Variants in SEMA3E observed in about 807,000 individuals in gnomAD.
SEMA3E encodes the protein semaphorin-3E.
A neutral mutation model predicts 93.6 loss-of-function variants in SEMA3E; 49 were observed. The ratio of observed to expected loss-of-function variants is 0.52; its 90% CI spans 0.42 to 0.66. SEMA3E has a LOEUF of 0.66. SEMA3E is among the 30% of genes least tolerant of loss of function. SEMA3E has a pLI of 0.00. For synonymous variants in SEMA3E, 363 were observed against 330.7 expected (o/e 1.10, Z -1.06); for missense variants, 906 against 964.8 (o/e 0.94, Z 0.81).
intron 12 of SEMA3E, among the ~76,000 whole-genome samples, chr7:83,395,631 G>A (rs1330384815): frequency 6.6e-6 from 1 of 152,040 alleles, no homozygotes; most frequent in African/African-American, 2.4e-5. Flanking sequence ...TCTTTTTCAT[G>A]GACTATGTAG....
chr7:83,568,520 T>C (rs1327548809), intron 1 of SEMA3E, among the ~76,000 whole-genome samples: 1 of 152,118 alleles, frequency 6.6e-6, no homozygotes, highest in Non-Finnish European at 1.5e-5. Context: ...AAAAATATAG[T>C]ACACCATGAT....
At chr7:83,557,348 A>G (rs1791918916) in intron 1 of SEMA3E, among the ~76,000 whole-genome samples, 1 of 151,524 alleles carries the variant, frequency 6.6e-6, no homozygotes, top group Non-Finnish European at 1.5e-5. Flanking sequence ...TATGCTTATT[A>G]AAAATAAGTA....
chr7:83,498,341 T>A (rs114538468), intron 1 of SEMA3E, among the ~76,000 whole-genome samples: 58 of 152,322 alleles, frequency 3.8e-4, no homozygotes, highest in African/African-American at 1.4e-3. Flanking sequence ...TGTTAGGAAT[T>A]ATATCTGGAG....
At chr7:83,415,691 T>C (rs1259109636) in intron 5 of SEMA3E, among the ~76,000 whole-genome samples, 1 of 152,130 alleles carries the variant, frequency 6.6e-6, no homozygotes, top group African/African-American at 2.4e-5. Flanking sequence ...TATCTAAAAT[T>C]AGGAAATTAC....
At chr7:83,457,755 C>T (rs973003355) in intron 4 of SEMA3E, among the ~76,000 whole-genome samples, 1 of 152,096 alleles carries the variant, frequency 6.6e-6, no homozygotes, top group African/African-American at 2.4e-5. Flanking sequence ...CCATCGTCTC[C>T]GTGCTGTCTT....
chr7:83,448,120 C>T (rs968385115), intron 4 of SEMA3E, among the ~76,000 whole-genome samples: 2 of 152,050 alleles, frequency 1.3e-5, no homozygotes, highest in Non-Finnish European at 2.9e-5. Context: ...CTTGCCAGTC[C>T]GGAAAAAGCA....
chr7:83,593,845 A>G (rs937231606), intron 1 of SEMA3E, among the ~76,000 whole-genome samples: 2 of 152,038 alleles, frequency 1.3e-5, no homozygotes, highest in African/African-American at 4.8e-5. Context: ...ATATTTTTCA[A>G]TTTTACTGTG....
At chr7:83,505,738 G>A (rs981885347) in intron 1 of SEMA3E, among the ~76,000 whole-genome samples, 12 of 151,858 alleles carry the variant, frequency 7.9e-5, no homozygotes, top group Admixed American at 1.3e-4. Flanking sequence ...ATTTGTGGCC[G>A]GGCACAGTGG....
At chr7:83,509,550 C>T (rs966649344) in intron 1 of SEMA3E, among the ~76,000 whole-genome samples, 1 of 151,930 alleles carries the variant, frequency 6.6e-6, no homozygotes, top group African/African-American at 2.4e-5. Context: ...CAAAACAAAA[C>T]AAAAACAAAC....
chr7:83,379,946 T>C (rs1787744885), intron 16 of SEMA3E, among the ~76,000 whole-genome samples: 1 of 151,880 alleles, frequency 6.6e-6, no homozygotes, highest in Admixed American at 6.6e-5. Context: ...TTTTTTCTGA[T>C]GTCTCTCCAA....
At chr7:83,554,907 G>A (rs1791853530) in intron 1 of SEMA3E, among the ~76,000 whole-genome samples, 1 of 152,000 alleles carries the variant, frequency 6.6e-6, no homozygotes, top group South Asian at 2.1e-4. Context: ...AACCCGGGAG[G>A]CGGAGCTTGC....
intron 1 of SEMA3E, among the ~76,000 whole-genome samples, chr7:83,589,132 T>C (rs1176084435): frequency 6.6e-6 from 1 of 152,170 alleles, no homozygotes; most frequent in Non-Finnish European, 1.5e-5. Flanking sequence ...CCAATTATCA[T>C]TTTCTTAAGT....
intron 1 of SEMA3E, among the ~76,000 whole-genome samples, chr7:83,544,078 C>T (rs1015684099): frequency 1.3e-5 from 2 of 151,924 alleles, no homozygotes; most frequent in Non-Finnish European, 2.9e-5. Flanking sequence ...TATAAAGTAC[C>T]AATTAAATTA....
chr7:83,510,068 T>C (rs1267027692), intron 1 of SEMA3E, among the ~76,000 whole-genome samples: 2 of 151,936 alleles, frequency 1.3e-5, no homozygotes, highest in African/African-American at 4.9e-5. Context: ...CATCAACATA[T>C]TAATAATGGA....
Position 83,546,440 on chromosome 7 carries a change from G to A in SEMA3E, c.116-56166C>T, listed in dbSNP as rs541764729. Among the ~76,000 whole-genome samples, 20 of 150,504 alleles carry A rather than the reference G, an allele frequency of 1.3e-4. No individual in the cohort carries two copies. The South Asian group carries it at 4.0e-3, about 30-fold the overall frequency. ...AGTGGGGAGGAGGAGGCTGCCAAAG[G>A]CACAGAGTCCAGTCTTTTGGTAGCA... On this transcript the variant is annotated intron_variant, in intron 1 of 16. Coordinates refer to ENST00000643230, the MANE Select transcript of SEMA3E (RefSeq NM_012431.3).
intron 16 of SEMA3E, among the ~76,000 whole-genome samples, chr7:83,377,498 A>C (rs2116905334): frequency 6.6e-6 from 1 of 152,146 alleles, no homozygotes; most frequent in Middle Eastern, 3.4e-3. Context: ...TGGGTGTGGC[A>C]GTTTTCAAAT....
intron 16 of SEMA3E, among the ~76,000 whole-genome samples, chr7:83,368,411 A>C (rs1794706180): frequency 6.6e-6 from 1 of 152,164 alleles, no homozygotes; most frequent in African/African-American, 2.4e-5. Flanking sequence ...TCTAAAATTT[A>C]TTTTTTAACA....
At chr7:83,398,233 A>G (rs1788163723) in intron 11 of SEMA3E, among the ~76,000 whole-genome samples, 1 of 152,178 alleles carries the variant, frequency 6.6e-6, no homozygotes, top group Non-Finnish European at 1.5e-5. Flanking sequence ...GATCAATATG[A>G]CAAGCAAGTA....
At chr7:83,509,947 A>T (rs1267691737) in intron 1 of SEMA3E, among the ~76,000 whole-genome samples, 1 of 152,186 alleles carries the variant, frequency 6.6e-6, no homozygotes, top group African/African-American at 2.4e-5. Flanking sequence ...TGTTCCAGCC[A>T]TTACTTAATC....
Sources: gnomAD v4.1 joint callset for allele counts (sites outside exome capture counted in the v4.1 genomes callset) on GRCh38, gnomAD v4.1.1 for gene constraint, MANE v1.5 for transcripts, NCBI Gene and HGNC (gene_info 2026-07-23, HGNC 2026-07-21) for gene names.